Variants in GRID1 observed in about 807,000 individuals in gnomAD.
GRID1 encodes the protein glutamate receptor ionotropic, delta-1.
GRID1 carries 28 observed loss-of-function variants against 98.0 expected under a neutral mutation model. That is an observed-to-expected ratio of 0.29 (90% confidence interval 0.21 to 0.39). GRID1 has a LOEUF of 0.39. GRID1 is among the 10% of genes least tolerant of loss of function. GRID1 has a pLI of 1.00. For missense variants in GRID1, 1,111 were observed against 1,340.5 expected (o/e 0.83, Z 2.67); for synonymous variants, 553 against 538.5 (o/e 1.03, Z -0.37).
intron 4 of GRID1, among the ~76,000 whole-genome samples, chr10:85,946,488 C>T (rs1842055092): frequency 6.6e-6 from 1 of 152,202 alleles, no homozygotes; most frequent in African/African-American, 2.4e-5. Flanking sequence ...ACCAAGGAAT[C>T]AATTGTGTAA....
intron 2 of GRID1, among the ~76,000 whole-genome samples, chr10:86,343,427 A>C (rs1848338910): frequency 6.6e-6 from 1 of 152,248 alleles, no homozygotes; most frequent in African/African-American, 2.4e-5. Context: ...CCACCATCTC[A>C]CTAATGGAAA....
At chr10:85,865,904 C>CATAT (rs1467791476) in intron 6 of GRID1, among the ~76,000 whole-genome samples, 32 of 52,400 alleles carry the variant, frequency 6.1e-4, no homozygotes, top group African/African-American at 2.5e-3. Flanking sequence ...AAGTGTTTTA[C>CATAT]ATATATACAT....
At chr10:85,993,884 G>A (rs968738496) in intron 4 of GRID1, among the ~76,000 whole-genome samples, 16 of 149,634 alleles carry the variant, frequency 1.1e-4, no homozygotes, top group Non-Finnish European at 1.8e-4. Flanking sequence ...CTCTGATGAT[G>A]TTCAGTAGAT....
intron 8 of GRID1, among the ~76,000 whole-genome samples, chr10:85,803,234 A>C (rs1842593585): frequency 6.6e-6 from 1 of 152,102 alleles, no homozygotes. Flanking sequence ...AAAGAGTATA[A>C]TTGGATTGAT....
In GRID1 at chr10:86,192,399, G is replaced by A. The variant is rs1219546120; in HGVS notation, c.520+13965C>T. On this transcript the variant is annotated intron_variant, in intron 3 of 15. Transcript: ENST00000327946. This position sits in a 1 kb window ranked among gnomAD's most constrained non-coding sequence, Gnocchi z 4.8. The stretch of plus-strand genomic sequence containing the variant: ...GATGCATGCCACAGTGTGGAGGAAA[G>A]TAGAAAGCACTATGCTAAGTGAAAT... 1.3e-5 allele frequency among the ~76,000 whole-genome samples: 2 copies of A among 152,216 alleles called. No homozygotes were observed. Among genetic ancestry groups the A allele is most frequent in the African/African-American group, 4.8e-5 (2 of 41,458 alleles).
At chr10:86,213,595 C>A (rs1297196095) in intron 2 of GRID1, among the ~76,000 whole-genome samples, 2 of 152,100 alleles carry the variant, frequency 1.3e-5, no homozygotes, top group Admixed American at 1.3e-4. Flanking sequence ...TTTTCCCACA[C>A]CCAGATCCAT....
intron 12 of GRID1, among the ~76,000 whole-genome samples, chr10:85,648,443 CT>C (rs895177207): frequency 2.0e-5 from 3 of 151,866 alleles, no homozygotes; most frequent in African/African-American, 7.3e-5. Context: ...AACTTGATCA[CT>C]CTTTACTTAT....
rs1842582600 is a variant in GRID1, at chr10:85,602,061, T to A, written c.*212A>T. 1 of 450,576 alleles carries A rather than the reference T, an allele frequency of 2.2e-6. No individual in the cohort carries two copies. The allele number at this position is 450,576 out of a possible 1,614,324, so 27.9% of individuals were successfully genotyped here. A position where few individuals can be genotyped will look rare whatever the true frequency, so the allele number is the denominator to read the frequency against. ...AAGTCATTCATACAGTTTTTGTGTTTTTTTACTGACTTCGAAAATTGGGAA... is the reference window on the plus strand; with the variant it reads ...AAGTCATTCATACAGTTTTTGTGTTATTTTACTGACTTCGAAAATTGGGAA... On this transcript the variant is annotated 3_prime_UTR_variant, in exon 16 of 16. Coordinates refer to ENST00000327946, the MANE Select transcript of GRID1 (RefSeq NM_017551.3).
At chr10:86,180,369 C>T (rs1005118042) in intron 3 of GRID1, among the ~76,000 whole-genome samples, 1 of 152,132 alleles carries the variant, frequency 6.6e-6, no homozygotes, top group South Asian at 2.1e-4. Context: ...GCAGGTGTGA[C>T]AGTCCTATAT....
At chr10:85,789,771 G>A (rs898497669) in intron 8 of GRID1, among the ~76,000 whole-genome samples, 1 of 152,130 alleles carries the variant, frequency 6.6e-6, no homozygotes, top group Admixed American at 6.5e-5. Flanking sequence ...GGGTAGCAGA[G>A]GCCAAGAGCA....
chr10:85,874,115 A>G (rs1430434098), intron 5 of GRID1, among the ~76,000 whole-genome samples: 1 of 152,202 alleles, frequency 6.6e-6, no homozygotes, highest in Non-Finnish European at 1.5e-5. Flanking sequence ...GGTGTGCTTG[A>G]GTAAGAATTT....
intron 12 of GRID1, among the ~76,000 whole-genome samples, chr10:85,714,357 T>C (rs1841615109): frequency 6.6e-6 from 1 of 151,892 alleles, no homozygotes; most frequent in Non-Finnish European, 1.5e-5. Context: ...CCCCATGACA[T>C]ACAGTTTATC....
rs1843212583 is a variant in GRID1 at position 85,647,620 on chromosome 10, A to G, written c.1998-223T>C. The G allele has an allele frequency of 1.6e-5, 8 of 512,452 alleles. 1 individual carries two copies. In the South Asian group the frequency reaches 2.3e-4, roughly 15 times the overall value. The allele number at this position is 512,452 out of a possible 1,614,324, so 31.7% of individuals were successfully genotyped here. ...TTTTCTCAGTGCAGATTAATTCAATAAGATGACTGGGCACCTAAAACCAGG... is the reference window on the plus strand; with the variant it reads ...TTTTCTCAGTGCAGATTAATTCAATGAGATGACTGGGCACCTAAAACCAGG... On this transcript the variant is annotated intron_variant, in intron 12 of 15. Transcript: ENST00000327946.
chr10:86,075,790 A>G (rs1843872865), intron 4 of GRID1, among the ~76,000 whole-genome samples: 1 of 152,180 alleles, frequency 6.6e-6, no homozygotes, highest in Non-Finnish European at 1.5e-5. Flanking sequence ...AACAGAAAAC[A>G]CCACATACAG....
In GRID1 at chr10:85,687,587, G is replaced by A. The variant is rs12776226; in HGVS notation, c.1997+35416C>T. Among the ~76,000 whole-genome samples the A allele has an allele frequency of 7.9e-3, 1,194 of 151,946 alleles. 5 individuals carry two copies. Among genetic ancestry groups the A allele is most frequent in the Non-Finnish European group, 0.012 (833 of 67,954 alleles). On this transcript the variant is annotated intron_variant, in intron 12 of 15. Coordinates refer to ENST00000327946, the MANE Select transcript of GRID1 (RefSeq NM_017551.3). ...TGAGGCTGCAATGAGCTAAGATGGCGTCACTGTACTCCAGCCTGGGTGACA... is the reference window on the plus strand; with the variant it reads ...TGAGGCTGCAATGAGCTAAGATGGCATCACTGTACTCCAGCCTGGGTGACA...
intron 3 of GRID1, among the ~76,000 whole-genome samples, chr10:86,190,870 G>A (rs1402766675): frequency 6.6e-6 from 1 of 152,170 alleles, no homozygotes; most frequent in Non-Finnish European, 1.5e-5. Flanking sequence ...GCACATGTGT[G>A]CATAGTCGTG....
intron 4 of GRID1, among the ~76,000 whole-genome samples, chr10:86,009,664 C>G (rs1465790449): frequency 6.6e-6 from 1 of 152,154 alleles, no homozygotes; most frequent in African/African-American, 2.4e-5. Flanking sequence ...TTTCAGTTTT[C>G]CCAACACTGT....
At chr10:85,952,269 C>T (rs543402074) in intron 4 of GRID1, among the ~76,000 whole-genome samples, 1 of 152,318 alleles carries the variant, frequency 6.6e-6, no homozygotes, top group South Asian at 2.1e-4. Flanking sequence ...AACCTGAAAA[C>T]AGCATGAGGA....
At chr10:86,091,344 G>A (rs932010466) in intron 4 of GRID1, among the ~76,000 whole-genome samples, 1 of 152,042 alleles carries the variant, frequency 6.6e-6, no homozygotes, top group Admixed American at 6.6e-5. Context: ...GGAGTTGGGT[G>A]AGGCCTGTGA....
Sources: gnomAD v4.1 joint callset for allele counts (sites outside exome capture counted in the v4.1 genomes callset) on GRCh38, gnomAD v4.1.1 for gene constraint, Gnocchi (gnomAD v3.1) non-coding constraint, MANE v1.5 for transcripts, NCBI Gene and HGNC (gene_info 2026-07-23, HGNC 2026-07-21) for gene names.